CTTNBP2: variants seen among roughly 807,000 people sequenced by gnomAD.
CTTNBP2 encodes the protein cortactin binding protein 2.
Under a neutral mutation model 156.9 loss-of-function variants are expected in CTTNBP2, and 108 were observed. The observed-to-expected ratio is 0.69, with a 90% confidence interval of 0.59 to 0.81. The LOEUF (loss-of-function observed/expected upper bound fraction) is 0.81, where lower values mean the gene tolerates loss of function less well. CTTNBP2 is among the 30% of genes least tolerant of loss of function. The probability of loss-of-function intolerance (pLI) is 0.00; values close to 1 mark genes in which losing one functional copy is unlikely to be tolerated. For missense variants in CTTNBP2, 1,924 were observed against 2,035.4 expected (o/e 0.95, Z 1.05); for synonymous variants, 767 against 751.8 (o/e 1.02, Z -0.33).
chr7:117,822,932 T>C (rs973618551), intron 2 of CTTNBP2, among the ~76,000 whole-genome samples: 2 of 152,192 alleles, frequency 1.3e-5, no homozygotes, highest in Non-Finnish European at 2.9e-5. Context: ...AGAGAGGTAT[T>C]AAAAGCTACT....
intron 9 of CTTNBP2, among the ~76,000 whole-genome samples, chr7:117,764,567 C>T (rs1797375064): frequency 6.6e-6 from 1 of 152,134 alleles, no homozygotes; most frequent in Admixed American, 6.5e-5. Flanking sequence ...TATTTTTAAA[C>T]TTTTACACAG....
At chr7:117,720,825 A>C (rs974874719) in intron 20 of CTTNBP2, among the ~76,000 whole-genome samples, 3 of 152,244 alleles carry the variant, frequency 2.0e-5, no homozygotes, top group Non-Finnish European at 4.4e-5. Context: ...CTTATTCAAC[A>C]AATTACAAGC....
At position 117,810,933 on chromosome 7, in the gene CTTNBP2, G is replaced by A; in HGVS notation, c.246C>T (p.Asp82=). 3 of 1,614,040 alleles carry A rather than the reference G, an allele frequency of 1.9e-6. No individual in the cohort carries two copies. Among genetic ancestry groups the A allele is most frequent in the South Asian group, 1.1e-5 (1 of 91,082 alleles). ...AGTCTCTCTGGAGTGCCAGGAACGG[G>A]TCATTTAGATTAAATCTCCCATACC... ...QERYGRFNLN[D]PFLALQRDYE... Residue 82 remains aspartate (D), a synonymous_variant, in exon 3 of 23, where the codon GAC becomes GAT. Transcript: ENST00000160373.
chr7:117,777,949 A>G (rs1798196599), intron 7 of CTTNBP2, among the ~76,000 whole-genome samples, 184 bp from the exon 8 acceptor site: 1 of 152,200 alleles, frequency 6.6e-6, no homozygotes, highest in Non-Finnish European at 1.5e-5. Flanking sequence ...GTCAGTTAAC[A>G]ATATTTCCAA....
At chr7:117,721,578 T>G (rs1435228580) in intron 19 of CTTNBP2, among the ~76,000 whole-genome samples, 1 of 152,266 alleles carries the variant, frequency 6.6e-6, no homozygotes, top group Admixed American at 6.5e-5. Flanking sequence ...GTATAGTTTT[T>G]GATATGTGGC....
intron 3 of CTTNBP2, among the ~76,000 whole-genome samples, chr7:117,803,270 T>G (rs1006397168): frequency 6.6e-6 from 1 of 152,190 alleles, no homozygotes; most frequent in African/African-American, 2.4e-5. Context: ...AGGTCATTAT[T>G]CTAAGTGAAC....
intron 16 of CTTNBP2, among the ~76,000 whole-genome samples, chr7:117,729,801 A>G (rs965277998): frequency 1.3e-5 from 2 of 152,194 alleles, no homozygotes; most frequent in Non-Finnish European, 2.9e-5. Context: ...GTAATTCAAA[A>G]GAAGAACTGA....
rs182216155 is a variant in CTTNBP2, at chr7:117,780,033, T to G, written c.2523+408A>C. 3.9e-3 allele frequency among the ~76,000 whole-genome samples: 589 copies of G among 152,300 alleles called. 12 individuals carry two copies. The highest frequency in any genetic ancestry group is 4.1e-3 in the East Asian group (21 of 5,182). On this transcript the variant is annotated intron_variant, in intron 7 of 22. Transcript: ENST00000160373. Reference sequence around the variant, plus strand: ...TCTCAGCCTCCCAAAGTGCTGGGATTACATGCGTGAGCCACCACGCCCAGC... The same window carrying G: ...TCTCAGCCTCCCAAAGTGCTGGGATGACATGCGTGAGCCACCACGCCCAGC...
chr7:117,734,025 G>A (rs1304250770), intron 16 of CTTNBP2, among the ~76,000 whole-genome samples: 1 of 152,218 alleles, frequency 6.6e-6, no homozygotes, highest in Non-Finnish European at 1.5e-5. Context: ...GCTGCAGCCC[G>A]CTTTCTGCCC....
chr7:117,858,051 C>T (rs1803448196), intron 2 of CTTNBP2, among the ~76,000 whole-genome samples: 1 of 152,180 alleles, frequency 6.6e-6, no homozygotes, highest in African/African-American at 2.4e-5. Flanking sequence ...AATCACAATT[C>T]TCAATTTTAA....
At chr7:117,801,335 C>T (rs1799593929) in intron 3 of CTTNBP2, among the ~76,000 whole-genome samples, 2 of 152,142 alleles carry the variant, frequency 1.3e-5, no homozygotes, top group African/African-American at 4.8e-5. Flanking sequence ...ATAAAATCAT[C>T]AGGAAACATT....
At chr7:117,774,865 A>G (rs1230709818) in intron 8 of CTTNBP2, among the ~76,000 whole-genome samples, 1 of 152,186 alleles carries the variant, frequency 6.6e-6, no homozygotes, top group Non-Finnish European at 1.5e-5. Context: ...ACTTGTGGTC[A>G]ATGTAGAATC....
In CTTNBP2 at chr7:117,735,367, A is replaced by T. The variant is rs951075170; in HGVS notation, c.3590T>A (p.Leu1197Ter). The stretch of plus-strand genomic sequence containing the variant: ...CAGTGAAGATTTTTCTAAATTTTCT[A>T]AAATGATGATGATTTTCTTCTTACT... ...SPSKKKIIIILENLEKSSLSE... is the reference protein window; with the variant it reads ...SPSKKKIIII The change falls in exon 15 of 23, where the codon TTA (leucine) becomes TAA (stop). Residue 1197 changes from leucine to a stop codon, truncating the protein, a stop_gained. Transcript: ENST00000160373. LOFTEE classifies it high-confidence loss of function. 1 of 1,613,412 alleles carries T rather than the reference A, an allele frequency of 6.2e-7. No homozygotes were observed. The highest frequency in any genetic ancestry group is 8.5e-7 in the Non-Finnish European group (1 of 1,179,370).
intron 2 of CTTNBP2, among the ~76,000 whole-genome samples, chr7:117,835,129 C>T (rs34089287): frequency 6.6e-6 from 1 of 152,204 alleles, no homozygotes. Context: ...AATGGATGCT[C>T]TCAACACTAA....
At chr7:117,767,827 C>T (rs184045496) in intron 8 of CTTNBP2, among the ~76,000 whole-genome samples, 3 of 152,040 alleles carry the variant, frequency 2.0e-5, no homozygotes, top group Non-Finnish European at 2.9e-5. Flanking sequence ...AGTAGAACTA[C>T]GAACTGAAAA....
chr7:117,855,686 A>G (rs1803262270), intron 2 of CTTNBP2, among the ~76,000 whole-genome samples: 1 of 152,240 alleles, frequency 6.6e-6, no homozygotes, highest in Admixed American at 6.5e-5. Flanking sequence ...AAGCAAAATT[A>G]CTTAAGAGCT....
intron 2 of CTTNBP2, among the ~76,000 whole-genome samples, chr7:117,855,561 G>A (rs943784601): frequency 2.0e-4 from 31 of 152,170 alleles, no homozygotes; most frequent in African/African-American, 7.5e-4. Flanking sequence ...CATCTAGTGG[G>A]TAGAGACCAA....
intron 3 of CTTNBP2, among the ~76,000 whole-genome samples, chr7:117,802,110 A>G (rs941979363): frequency 7.7e-6 from 1 of 129,832 alleles, no homozygotes. Context: ...TCATGTGTCC[A>G]TGTGATCTCA....
chr7:117,825,871 G>A (rs901075732), intron 2 of CTTNBP2, among the ~76,000 whole-genome samples: 29 of 152,236 alleles, frequency 1.9e-4, no homozygotes, highest in East Asian at 3.9e-4. Context: ...AGTTTGTAGC[G>A]GCGGTGTAAG....
Sources: gnomAD v4.1 joint callset for allele counts (sites outside exome capture counted in the v4.1 genomes callset) on GRCh38, gnomAD v4.1.1 for gene constraint, MANE v1.5 for transcripts, NCBI Gene and HGNC (gene_info 2026-07-23, HGNC 2026-07-21) for gene names.